The following PCDH15 variants were observed in gnomAD, a reference collection of about 807,000 sequenced individuals.
PCDH15 encodes protocadherin-15.
In PCDH15, 129 loss-of-function variants were observed where a neutral mutation model predicts 178.5. The observed-to-expected ratio is 0.72, with a 90% CI of 0.63 to 0.84. PCDH15 has a LOEUF of 0.84. Ranked by LOEUF, PCDH15 falls within the 40% of genes least tolerant of loss-of-function variation. The pLI, the probability that PCDH15 is intolerant of heterozygous loss-of-function variation, is 0.00. For synonymous variants in PCDH15, 800 were observed against 732.0 expected, an observed-to-expected ratio of 1.09 and a Z score of -1.50; for missense variants, 2,230 against 2,099.9, an observed-to-expected ratio of 1.06 and a Z score of -1.21.
chr10:54,908,345 G>A lies in PCDH15; in HGVS notation c.-79-10845C>T, dbSNP rs1279043531. ...CTGAGAGACTGTGGTTGGACAAGGC[G>A]TACCATAACCAGCTTCTACAGGTGA... On this transcript the variant is annotated intron_variant, in intron 2 of 5. Transcript: ENST00000458638. 2.6e-5 allele frequency among the ~76,000 whole-genome samples: 4 copies of A among 152,154 alleles called. No individual in the cohort carries two copies. The East Asian group carries it at 5.8e-4, about 22-fold the overall frequency.
chr10:55,541,104 A>G (rs904295277), intron 2 of PCDH15, among the ~76,000 whole-genome samples: 1 of 152,094 alleles, frequency 6.6e-6, no homozygotes, highest in Non-Finnish European at 1.5e-5. Flanking sequence ...ACGTTTAGAA[A>G]CAGGCAACTT....
At chr10:55,261,153 C>A (rs907919484) in intron 1 of PCDH15, among the ~76,000 whole-genome samples, 1 of 152,298 alleles carries the variant, frequency 6.6e-6, no homozygotes, top group South Asian at 2.1e-4. Context: ...TCATTTAAAG[C>A]AGCAAAAGGC....
At chr10:55,584,122 A>G (rs1010800987) in intron 2 of PCDH15, among the ~76,000 whole-genome samples, 1 of 151,782 alleles carries the variant, frequency 6.6e-6, no homozygotes, top group African/African-American at 2.4e-5. Flanking sequence ...GTGCTCAAAA[A>G]CTTTCCTGCT....
At chr10:54,891,385 G>A (rs946083203) in intron 3 of PCDH15, among the ~76,000 whole-genome samples, 1 of 152,074 alleles carries the variant, frequency 6.6e-6, no homozygotes, top group Non-Finnish European at 1.5e-5. Context: ...TAGCGCAAAA[G>A]CAACATAGGA....
intron 8 of PCDH15, among the ~76,000 whole-genome samples, chr10:54,240,514 C>T (rs2055132759): frequency 6.6e-6 from 1 of 151,434 alleles, no homozygotes; most frequent in Non-Finnish European, 1.5e-5. Context: ...TGACTTTAAA[C>T]CTAGAGTACC....
intron 2 of PCDH15, among the ~76,000 whole-genome samples, chr10:55,577,092 AT>A (rs1189052215): frequency 2.0e-5 from 3 of 151,956 alleles, no homozygotes; most frequent in Admixed American, 2.0e-4. Flanking sequence ...AAATACAAAA[AT>A]TAGCTGGGCC....
rs2250897 is a variant in PCDH15, at chr10:55,079,867, G to A, written c.-80+86709C>T. Among the ~76,000 whole-genome samples, 249 of 152,228 alleles carry A rather than the reference G, an allele frequency of 1.6e-3. 1 individual carries two copies. The highest frequency in any genetic ancestry group is 5.9e-3 in the African/African-American group (246 of 41,540). On this transcript the variant is annotated intron_variant, in intron 2 of 5. Transcript: ENST00000458638. ...GGAGTGATTCCCAGGTCTTCAGAAG[G>A]TTTGCTCAGGCTCTGGTGGGGAGGG...
chr10:53,821,092 A>G (rs769574182), intron 32 of PCDH15: 1,003 of 976,832 alleles, frequency 1.0e-3, no homozygotes, highest in Admixed American at 1.4e-3. Context: ...GAAATGCCTT[A>G]CAAAAGTCAA....
chr10:54,379,001 A>C, intron 3 of PCDH15, 59 bp from the exon 4 acceptor site: 2 of 1,593,806 alleles, frequency 1.3e-6, no homozygotes, highest in Non-Finnish European at 1.7e-6. Flanking sequence ...TCTTTAGCAA[A>C]GATCATGCTC....
intron 14 of PCDH15, among the ~76,000 whole-genome samples, chr10:54,136,690 G>C (rs986607728): frequency 1.3e-5 from 2 of 152,052 alleles, no homozygotes; most frequent in South Asian, 2.1e-4. Flanking sequence ...TGAGTTACTT[G>C]GATACTTGTC....
At chr10:54,701,487 C>T (rs1316326339) in intron 1 of PCDH15, among the ~76,000 whole-genome samples, 1 of 151,914 alleles carries the variant, frequency 6.6e-6, no homozygotes, top group Non-Finnish European at 1.5e-5. Flanking sequence ...GCTAAATAAC[C>T]TAATTAAAAG....
At chr10:55,132,494 G>C (rs1369903987) in intron 2 of PCDH15, among the ~76,000 whole-genome samples, 1 of 152,118 alleles carries the variant, frequency 6.6e-6, no homozygotes, top group Non-Finnish European at 1.5e-5. Flanking sequence ...ATGTGAGATA[G>C]CACTAAAGTA....
At chr10:55,167,773 CAA>C (rs1839233764) in intron 1 of PCDH15, among the ~76,000 whole-genome samples, 1 of 151,870 alleles carries the variant, frequency 6.6e-6, no homozygotes, top group African/African-American at 2.4e-5. Context: ...GAAAACAAAA[CAA>C]TGATTTATTT....
intron 3 of PCDH15, among the ~76,000 whole-genome samples, chr10:54,462,560 G>C (rs1186272129): frequency 4.9e-5 from 6 of 123,564 alleles, no homozygotes; most frequent in Non-Finnish European, 7.9e-5. Context: ...TGTTACCCAG[G>C]CTGGAGTGCA....
intron 1 of PCDH15, among the ~76,000 whole-genome samples, chr10:55,205,579 A>C (rs1209548934): frequency 6.6e-6 from 1 of 152,042 alleles, no homozygotes; most frequent in Non-Finnish European, 1.5e-5. Context: ...AAACAAGCAA[A>C]ATTTTAAACA....
intron 2 of PCDH15, among the ~76,000 whole-genome samples, chr10:55,379,862 G>C (rs182792781): frequency 1.5e-3 from 224 of 152,182 alleles, no homozygotes; most frequent in African/African-American, 5.1e-3. Flanking sequence ...TGTCTCCTAT[G>C]GCTGATAAAA....
intron 13 of PCDH15, among the ~76,000 whole-genome samples, chr10:54,174,522 AAAAAAAAG>A (rs991929947): frequency 3.3e-5 from 5 of 151,594 alleles, no homozygotes; most frequent in East Asian, 1.9e-4. Context: ...GCGACAGAGC[AAAAAAAAG>A]AAAAAAAGAA....
chr10:54,438,135 G>A (rs2075545918), intron 3 of PCDH15, among the ~76,000 whole-genome samples: 1 of 151,968 alleles, frequency 6.6e-6, no homozygotes, highest in African/African-American at 2.4e-5. Flanking sequence ...TCCTCACCTA[G>A]CTCAGAATTG....
At chr10:54,631,040 A>G (rs1408525531) in intron 2 of PCDH15, among the ~76,000 whole-genome samples, 1 of 152,170 alleles carries the variant, frequency 6.6e-6, no homozygotes, top group East Asian at 1.9e-4. Flanking sequence ...ATATGTCCCT[A>G]CAATATCTCA....
Sources: allele counts gnomAD v4.1 joint callset (sites outside exome capture counted in the v4.1 genomes callset), GRCh38; gene constraint gnomAD v4.1.1; transcripts MANE v1.5; gene names NCBI Gene and HGNC (gene_info 2026-07-23, HGNC 2026-07-21).